WNT3: variants seen among roughly 807,000 people sequenced by gnomAD.
The protein encoded by WNT3 is proto-oncogene Wnt-3.
WNT3 carries 7 observed loss-of-function variants against 34.2 expected under a neutral mutation model. That is an observed-to-expected ratio of 0.20 (90% confidence interval 0.12 to 0.38). The LOEUF (loss-of-function observed/expected upper bound fraction) is 0.38, where lower values mean the gene tolerates loss of function less well. Among genes scored for constraint, WNT3 ranks in the 10% least tolerant of loss-of-function variants. The pLI, the probability that WNT3 is intolerant of heterozygous loss-of-function variation, is 1.00. For synonymous variants in WNT3, 212 were observed against 211.5 expected (o/e 1.00, Z -0.02); for missense variants, 267 against 499.8 (o/e 0.53, Z 4.44).
At chr17:46,802,733 G>A (rs551045147) in intron 1 of WNT3, among the ~76,000 whole-genome samples, 4 of 152,310 alleles carry the variant, frequency 2.6e-5, no homozygotes, top group South Asian at 2.1e-4. Context: ...AAGTGCTTCC[G>A]GATAGCGGAA....
chr17:46,775,131 G>A (rs141825346), intron 1 of WNT3, among the ~76,000 whole-genome samples: 3 of 152,218 alleles, frequency 2.0e-5, no homozygotes, highest in African/African-American at 4.8e-5. Flanking sequence ...ACACAGGGCC[G>A]AGCCAAACAT....
chr17:46,779,516 A>G (rs1290925039), intron 1 of WNT3, among the ~76,000 whole-genome samples: 2 of 152,198 alleles, frequency 1.3e-5, no homozygotes, highest in Non-Finnish European at 2.9e-5. Context: ...AGCTGGGCCG[A>G]GGACACACAC....
At chr17:46,812,919 C>A (rs2084295076) in intron 1 of WNT3, among the ~76,000 whole-genome samples, 1 of 152,158 alleles carries the variant, frequency 6.6e-6, no homozygotes, top group African/African-American at 2.4e-5. Context: ...GAAATAGAGG[C>A]AATCATTACA....
intron 1 of WNT3, among the ~76,000 whole-genome samples, chr17:46,774,185 GA>G (rs1388861986): frequency 6.6e-6 from 1 of 152,258 alleles, no homozygotes; most frequent in Non-Finnish European, 1.5e-5. Flanking sequence ...GCAAAGCCAT[GA>G]AAAGAGGTTT....
intron 1 of WNT3, among the ~76,000 whole-genome samples, chr17:46,811,346 T>A (rs1182369268): frequency 6.6e-6 from 1 of 152,114 alleles, no homozygotes; most frequent in Non-Finnish European, 1.5e-5. Context: ...CTCCTGTCAA[T>A]GGCGCGGAAG....
chr17:46,815,885 C>T (rs1333774498), intron 1 of WNT3, among the ~76,000 whole-genome samples: 1 of 152,160 alleles, frequency 6.6e-6, no homozygotes, highest in African/African-American at 2.4e-5. Context: ...TCATTCATAC[C>T]CACAGGTAGA....
chr17:46,770,059 G>A lies in WNT3; in HGVS notation c.323-11C>T, dbSNP rs929239975. 7 of 1,535,762 alleles carry A rather than the reference G, an allele frequency of 4.6e-6. No homozygotes were observed. In the South Asian group the frequency reaches 7.2e-5, roughly 16 times the overall value. On this transcript the variant is annotated splice_polypyrimidine_tract_variant and intron_variant, in intron 2 of 4. Coordinates refer to ENST00000225512, the MANE Select transcript of WNT3 (RefSeq NM_030753.5). ...CCGACTCGCGGGTGGCTGCGGGGAG[G>A]TCGTGGGGAGGCAGCACTCAGGACC...
At chr17:46,800,857 G>A (rs954429159) in intron 1 of WNT3, among the ~76,000 whole-genome samples, 25 of 152,218 alleles carry the variant, frequency 1.6e-4, no homozygotes, top group African/African-American at 5.5e-4. Context: ...GGTGCTGAGG[G>A]AAGGCTGCGC....
chr17:46,767,405 T>A (rs1310985280), intron 4 of WNT3, among the ~76,000 whole-genome samples: 1 of 152,180 alleles, frequency 6.6e-6, no homozygotes, highest in Non-Finnish European at 1.5e-5. Context: ...CCCACCTCCC[T>A]GAGGTTGGTA....
At chr17:46,777,685 A>G (rs67474242) in intron 1 of WNT3, among the ~76,000 whole-genome samples, 17,200 of 152,186 alleles carry the variant, frequency 0.11, 2,321 homozygotes, top group East Asian at 0.6. Context: ...ATCTCACTGA[A>G]TCCTCACAAC....
At chr17:46,793,013 C>A (rs1315564847) in intron 1 of WNT3, among the ~76,000 whole-genome samples, 1 of 151,690 alleles carries the variant, frequency 6.6e-6, no homozygotes, top group Non-Finnish European at 1.5e-5. Flanking sequence ...ACCTGTAAAC[C>A]CGGCACTTTG....
chr17:46,804,779 T>C (rs957009568), intron 1 of WNT3, among the ~76,000 whole-genome samples: 2 of 152,152 alleles, frequency 1.3e-5, no homozygotes, highest in Admixed American at 6.5e-5. Context: ...CACCAATCAG[T>C]GCTCTGTAAG....
chr17:46,771,265 A>G (rs2059366173), intron 2 of WNT3, among the ~76,000 whole-genome samples: 1 of 152,010 alleles, frequency 6.6e-6, no homozygotes, highest in African/African-American at 2.4e-5. Context: ...GACGGCGGCA[A>G]GGGGGCCCGA....
chr17:46,800,475 T>G (rs1313930416), intron 1 of WNT3, among the ~76,000 whole-genome samples: 1 of 152,102 alleles, frequency 6.6e-6, no homozygotes, highest in East Asian at 1.9e-4. Context: ...TCGCTAGTGA[T>G]GCAGAGGCCT....
intron 1 of WNT3, among the ~76,000 whole-genome samples, chr17:46,787,895 T>G (rs2059524301): frequency 6.6e-6 from 1 of 150,690 alleles, no homozygotes; most frequent in Non-Finnish European, 1.5e-5. Flanking sequence ...GGCAGAGGTT[T>G]CAGTGAGCCG....
chr17:46,818,202 T>TG (rs1190834570), intron 1 of WNT3, among the ~76,000 whole-genome samples: 2 of 151,338 alleles, frequency 1.3e-5, no homozygotes, highest in African/African-American at 2.4e-5. Context: ...TGCAAGCAAA[T>TG]GGGGGGTCTT....
intron 1 of WNT3, among the ~76,000 whole-genome samples, chr17:46,808,220 C>G (rs1045272672): frequency 6.6e-6 from 1 of 152,214 alleles, no homozygotes; most frequent in African/African-American, 2.4e-5. Context: ...CAACAAAATC[C>G]TCACATGGCC....
intron 1 of WNT3, among the ~76,000 whole-genome samples, chr17:46,774,251 C>A (rs1199029677): frequency 6.6e-6 from 1 of 152,258 alleles, no homozygotes; most frequent in East Asian, 1.9e-4. Flanking sequence ...GGTTCTGGGT[C>A]CAGCTTCCCT....
At chr17:46,812,487 C>A (rs1343814315) in intron 1 of WNT3, among the ~76,000 whole-genome samples, 1 of 152,190 alleles carries the variant, frequency 6.6e-6, no homozygotes, top group East Asian at 1.9e-4. Context: ...TGCCACTCCC[C>A]CTGGGAAGCC....
Sources: allele counts gnomAD v4.1 joint callset (sites outside exome capture counted in the v4.1 genomes callset), GRCh38; gene constraint gnomAD v4.1.1; transcripts MANE v1.5; gene names NCBI Gene and HGNC (gene_info 2026-07-23, HGNC 2026-07-21).